The following OR1D2 variants were observed in gnomAD, a reference collection of about 807,000 sequenced individuals.
The protein encoded by OR1D2 is olfactory receptor family 1 subfamily D member 2.
For synonymous variants in OR1D2, 157 were observed against 153.9 expected (o/e 1.02, Z -0.15); for missense variants, 357 against 376.1 (o/e 0.95, Z 0.42).
chr17:3,101,728 TTGTC>T (rs949525195), intron 1 of OR1D2, among the ~76,000 whole-genome samples: 23 of 152,198 alleles, frequency 1.5e-4, no homozygotes, highest in African/African-American at 5.5e-4. Context: ...GGAAGTCGAA[TTGTC>T]TGTTTGCTGA....
Position 3,093,064 on chromosome 17 carries a change from A to G in OR1D2, c.-50-18T>C. ...CAAAAGTCCTTAATTGAATAAAAAC[A>G]TGAAGATAAGCAAAATCAACATTTT... is the stretch of plus-strand genomic sequence containing the variant. On this transcript the variant is annotated intron_variant, in intron 1 of 1. Coordinates refer to ENST00000641833, the MANE Select transcript of OR1D2 (RefSeq NM_002548.3). 7.1e-7 allele frequency: 1 copy of G among 1,403,620 alleles called. No homozygotes were observed. The allele number at this position is 1,403,620 out of a possible 1,614,324, so 86.9% of individuals were successfully genotyped here. A position where few individuals can be genotyped will look rare whatever the true frequency, so the allele number is the denominator to read the frequency against.
intron 1 of OR1D2, among the ~76,000 whole-genome samples, chr17:3,095,741 C>A (rs188059929): frequency 6.6e-6 from 1 of 151,384 alleles, no homozygotes; most frequent in Admixed American, 6.6e-5. Context: ...ATTTAAACAC[C>A]ATTTATGTAA....
intron 1 of OR1D2, among the ~76,000 whole-genome samples, chr17:3,093,656 A>G (rs1041447446): frequency 2.0e-5 from 3 of 152,210 alleles, no homozygotes; most frequent in African/African-American, 7.2e-5. Context: ...ATTAGCACTC[A>G]GAAATGTTGC....
chr17:3,095,698 A>G (rs2047841182), intron 1 of OR1D2, among the ~76,000 whole-genome samples: 1 of 151,966 alleles, frequency 6.6e-6, no homozygotes, highest in Non-Finnish European at 1.5e-5. Flanking sequence ...ATGACAGTAT[A>G]AATTCATATT....
intron 1 of OR1D2, among the ~76,000 whole-genome samples, chr17:3,096,648 T>C (rs901493478): frequency 1.8e-4 from 28 of 152,224 alleles, no homozygotes; most frequent in African/African-American, 6.0e-4. Flanking sequence ...TGAGACATTT[T>C]ATAATGACAA....
chr17:3,094,891 A>T (rs2047836027), intron 1 of OR1D2, among the ~76,000 whole-genome samples: 1 of 152,188 alleles, frequency 6.6e-6, no homozygotes, highest in Non-Finnish European at 1.5e-5. Flanking sequence ...TGAAGATTTT[A>T]TTAGTCAGGC....
intron 1 of OR1D2, among the ~76,000 whole-genome samples, chr17:3,097,570 A>G (rs751788312): frequency 6.6e-6 from 1 of 152,328 alleles, no homozygotes; most frequent in South Asian, 2.1e-4. Flanking sequence ...TGGTGAACCC[A>G]TGCCACTGGT....
intron 1 of OR1D2, among the ~76,000 whole-genome samples, 168 bp downstream of exon 1, chr17:3,103,931 A>T (rs1292795429): frequency 1.3e-5 from 2 of 152,170 alleles, no homozygotes; most frequent in Non-Finnish European, 2.9e-5. Context: ...GAGTGCTTCT[A>T]AGATTCAAGG....
At position 3,092,369 on chromosome 17, in the gene OR1D2, G is replaced by T; in HGVS notation, c.628C>A (p.Pro210Thr). Residue 210 changes from proline (P) to threonine (T), a missense_variant, in exon 2 of 2, where the codon CCC becomes ACC. By Grantham distance (38) the Pro-to-Thr change is conservative (BLOSUM62 -1). Coordinates refer to ENST00000641833, the MANE Select transcript of OR1D2 (RefSeq NM_002548.3). ...TAGGAAATGATCACGAATCCAAAGG[G>T]AATGAGGAAGATGAAGCAGCCTGTG... ...IATGCFIFLI[P>T]FGFVIISYVL... 1 of 1,614,188 alleles carries T rather than the reference G, an allele frequency of 6.2e-7. No homozygotes were observed. The highest frequency in any genetic ancestry group is 8.5e-7 in the Non-Finnish European group (1 of 1,180,030).
At chr17:3,096,671 A>G (rs1309381426) in intron 1 of OR1D2, among the ~76,000 whole-genome samples, 2 of 152,360 alleles carry the variant, frequency 1.3e-5, no homozygotes, top group South Asian at 2.1e-4. Context: ...GGGTCAATCT[A>G]TGAAGAAGAT....
Position 3,092,475 on chromosome 17 carries a change from G to T in OR1D2, c.522C>A (p.Ile174=). The change falls in exon 2 of 2, where the codon ATC becomes ATA. Residue 174 remains isoleucine, a synonymous_variant. Coordinates refer to ENST00000641833, the MANE Select transcript of OR1D2 (RefSeq NM_002548.3). ...CATACATCTCACAGAAGATGTAGTG[G>T]ATTTTTCGTGACCCACAGAAGGTCA... ...TRVTFCGSRK[I]HYIFCEMYVL... The T allele has an allele frequency of 6.2e-7, 1 of 1,614,182 alleles. No individual in the cohort carries two copies. The highest frequency in any genetic ancestry group is 8.5e-7 in the Non-Finnish European group (1 of 1,180,042).
Position 3,092,304 on chromosome 17 carries a change from G to A in OR1D2, c.693C>T (p.Val231=), listed in dbSNP as rs1396088672. 6.2e-7 allele frequency: 1 copy of A among 1,614,072 alleles called. No individual in the cohort carries two copies. Among genetic ancestry groups the A allele is most frequent in the Non-Finnish European group, 8.5e-7 (1 of 1,180,024 alleles). The change falls in exon 2 of 2, where the codon GTC becomes GTT. Residue 231 remains valine, a synonymous_variant. Transcript: ENST00000641833. ...IIRAILRIPS[V]SKKYKAFSTC... is the part of the protein sequence containing the mutation. ...TGGAGAAGGCTTTGTATTTCTTAGA[G>A]ACTGAGGGTATTCTGAGGATGGCTC...
At chr17:3,100,408 C>G (rs1242575056) in intron 1 of OR1D2, among the ~76,000 whole-genome samples, 1 of 152,146 alleles carries the variant, frequency 6.6e-6, no homozygotes, top group African/African-American at 2.4e-5. Context: ...AATTGAACAA[C>G]CTACTCCTGA....
Position 3,091,127 on chromosome 17 carries a change from C to G in OR1D2, c.*931G>C, listed in dbSNP as rs1339008918. 6.6e-6 allele frequency: 1 copy of G among 152,052 alleles called. No homozygotes were observed. The highest frequency in any genetic ancestry group is 2.4e-5 in the African/African-American group (1 of 41,412). 9.4% of individuals were successfully genotyped at this position (152,052 alleles called of 1,614,324 possible). ...GTACTACCAGGGTGCTATAAACTTT[C>G]ACTTGGATTCTGGAGCTCTCACAAA... On this transcript the variant is annotated 3_prime_UTR_variant, in exon 2 of 2. Coordinates refer to ENST00000641833, the MANE Select transcript of OR1D2 (RefSeq NM_002548.3).
intron 1 of OR1D2, among the ~76,000 whole-genome samples, chr17:3,097,481 G>GT (rs1389130466): frequency 6.6e-6 from 1 of 152,094 alleles, no homozygotes; most frequent in African/African-American, 2.4e-5. Context: ...AAGGGAGGTG[G>GT]TGAGTGAGCA....
In OR1D2 at chr17:3,088,498, C is replaced by T. The variant is rs1487671864; in HGVS notation, c.*3560G>A. 2.0e-5 allele frequency: 3 copies of T among 152,136 alleles called. No homozygotes were observed. Among genetic ancestry groups the T allele is most frequent in the East Asian group, 1.9e-4 (1 of 5,184 alleles). 9.4% of individuals were successfully genotyped at this position (152,136 alleles called of 1,614,324 possible). On this transcript the variant is annotated 3_prime_UTR_variant, in exon 2 of 2. Coordinates refer to ENST00000641833, the MANE Select transcript of OR1D2 (RefSeq NM_002548.3). ...TAAAGAAGGAAGGGGTTTATTTGGC[C>T]AGGAGCATCGGCAAGACTCCTGTCT...
At chr17:3,098,637 A>G (rs1158863167) in intron 1 of OR1D2, among the ~76,000 whole-genome samples, 2 of 152,208 alleles carry the variant, frequency 1.3e-5, no homozygotes, top group Admixed American at 6.5e-5. Flanking sequence ...GATAGTTGCA[A>G]TACCTCGCCA....
rs1178303257 is a variant in OR1D2 at position 3,089,032 on chromosome 17, TCTTTCAAGGGTGTTAAAGAAC to T, written c.*3005_*3025del. ...ATCCATTGCTGGTGAGCTAGTGTGA[TCTTTCAAGGGTGTTAAAGAAC>T]CTTGTTTTGTCATATTACCAGATTT... On this transcript the variant is annotated 3_prime_UTR_variant, in exon 2 of 2. Transcript: ENST00000641833. 2 of 152,236 alleles carry T rather than the reference TCTTTCAAGGGTGTTAAAGAAC, an allele frequency of 1.3e-5. No individual in the cohort carries two copies. The highest frequency in any genetic ancestry group is 2.9e-5 in the Non-Finnish European group (2 of 68,052). The allele number at this position is 152,236 out of a possible 1,614,324, so 9.4% of individuals were successfully genotyped here. A position where few individuals can be genotyped will look rare whatever the true frequency, so the allele number is the denominator to read the frequency against.
Position 3,091,903 on chromosome 17 carries a change from T to A in OR1D2, c.*155A>T, listed in dbSNP as rs918309789. 8.1e-6 allele frequency: 5 copies of A among 620,176 alleles called. No homozygotes were observed. The highest frequency in any genetic ancestry group is 1.4e-5 in the Non-Finnish European group (5 of 352,076). 38.4% of individuals were successfully genotyped at this position (620,176 alleles called of 1,614,324 possible). A position where few individuals can be genotyped will look rare whatever the true frequency, so the allele number is the denominator to read the frequency against. On this transcript the variant is annotated 3_prime_UTR_variant, in exon 2 of 2. Coordinates refer to ENST00000641833, the MANE Select transcript of OR1D2 (RefSeq NM_002548.3). ...CTGATGAGACCTGGGGGACACCAGGTTACAAATATGTCTTTTTTATCACCA... is the reference window on the plus strand; with the variant it reads ...CTGATGAGACCTGGGGGACACCAGGATACAAATATGTCTTTTTTATCACCA...
Sources: allele counts gnomAD v4.1 joint callset (sites outside exome capture counted in the v4.1 genomes callset), GRCh38; gene constraint gnomAD v4.1.1; transcripts MANE v1.5; gene names NCBI Gene and HGNC (gene_info 2026-07-23, HGNC 2026-07-21).